The following FHIT variants were observed in gnomAD, a reference collection of about 807,000 sequenced individuals.
FHIT encodes the protein bis(5'-adenosyl)-triphosphatase.
In FHIT, 19 loss-of-function variants were observed where a neutral mutation model predicts 17.9. The ratio of observed to expected loss-of-function variants is 1.06; its 90% CI spans 0.74 to 1.56. FHIT has a LOEUF of 1.56. FHIT is among the 40% of genes most tolerant of loss of function. FHIT has a pLI of 0.00. For synonymous variants in FHIT, 81 were observed against 69.7 expected, an observed-to-expected ratio of 1.16 and a Z score of -0.81; for missense variants, 248 against 189.2, an observed-to-expected ratio of 1.31 and a Z score of -1.82.
At chr3:60,578,497 G>GCC (rs2037648188) in intron 4 of FHIT, among the ~76,000 whole-genome samples, 2 of 149,744 alleles carry the variant, frequency 1.3e-5, no homozygotes, top group African/African-American at 4.9e-5. Context: ...CACATCATCT[G>GCC]CCTTTGGTTA....
chr3:60,976,967 G>A (rs1710282257), intron 3 of FHIT, among the ~76,000 whole-genome samples: 1 of 151,714 alleles, frequency 6.6e-6, no homozygotes, highest in Non-Finnish European at 1.5e-5. Flanking sequence ...TTTACATATT[G>A]GCAGGTTGGA....
At chr3:60,153,603 T>C (rs1157351685) in intron 5 of FHIT, among the ~76,000 whole-genome samples, 3 of 152,200 alleles carry the variant, frequency 2.0e-5, no homozygotes, top group Non-Finnish European at 4.4e-5. Flanking sequence ...TTTTCTTTGT[T>C]CTTCCCAGTC....
chr3:60,977,496 C>T (rs1375111138), intron 3 of FHIT, among the ~76,000 whole-genome samples: 1 of 152,186 alleles, frequency 6.6e-6, no homozygotes, highest in East Asian at 1.9e-4. Context: ...AGCAAATGTG[C>T]TCAGTTTTCC....
chr3:60,749,962 C>G (rs1553716384), intron 4 of FHIT, among the ~76,000 whole-genome samples: 1 of 152,094 alleles, frequency 6.6e-6, no homozygotes, highest in Non-Finnish European at 1.5e-5. Context: ...AAACTGGGAA[C>G]TTTTTCTATG....
At chr3:61,025,003 A>G (rs1158945619) in intron 3 of FHIT, among the ~76,000 whole-genome samples, 1 of 150,460 alleles carries the variant, frequency 6.6e-6, no homozygotes, top group Admixed American at 6.6e-5. Context: ...CTGTCAGCAA[A>G]AAATATCCCT....
Position 60,059,097 on chromosome 3 carries a change from C to T in FHIT, c.104-44945G>A, listed in dbSNP as rs1434392958. Among the ~76,000 whole-genome samples, 10 of 152,272 alleles carry T rather than the reference C, an allele frequency of 6.6e-5. No homozygotes were observed. In the South Asian group the frequency reaches 1.7e-3, roughly 25 times the overall value. On this transcript the variant is annotated intron_variant, in intron 5 of 9. Coordinates refer to ENST00000492590, the MANE Select transcript of FHIT (RefSeq NM_002012.4). ...CAACACCCCCACCAGGAAAGCCACG[C>T]TACCATCAGGTGATGGTCAGGTGGT...
intron 5 of FHIT, among the ~76,000 whole-genome samples, chr3:60,427,163 G>T (rs1306461456): frequency 6.6e-6 from 1 of 152,058 alleles, no homozygotes; most frequent in African/African-American, 2.4e-5. Flanking sequence ...TCTACTGCTG[G>T]CCATGAAGGA....
chr3:61,138,961 AAAG>A (rs745891552), intron 2 of FHIT, among the ~76,000 whole-genome samples: 35 of 152,160 alleles, frequency 2.3e-4, no homozygotes, highest in Admixed American at 6.5e-5. Context: ...ATAAAAAAAT[AAAG>A]AAGAACCACA....
At chr3:60,130,595 C>A (rs1438155762) in intron 5 of FHIT, among the ~76,000 whole-genome samples, 1 of 151,996 alleles carries the variant, frequency 6.6e-6, no homozygotes, top group Non-Finnish European at 1.5e-5. Context: ...AATGAAAACA[C>A]TGGGCATGTG....
chr3:60,445,305 A>T (rs981451441), intron 5 of FHIT, among the ~76,000 whole-genome samples: 1 of 152,102 alleles, frequency 6.6e-6, no homozygotes, highest in Non-Finnish European at 1.5e-5. Flanking sequence ...GAGGACTGGG[A>T]TTCCAAAGCA....
At chr3:60,722,424 T>A (rs1344882135) in intron 4 of FHIT, among the ~76,000 whole-genome samples, 1 of 152,186 alleles carries the variant, frequency 6.6e-6, no homozygotes, top group Non-Finnish European at 1.5e-5. Flanking sequence ...TTTGTCTCAC[T>A]CCTCCTTGAA....
At chr3:60,802,422 G>C (rs181849260) in intron 4 of FHIT, among the ~76,000 whole-genome samples, 1 of 152,276 alleles carries the variant, frequency 6.6e-6, no homozygotes, top group Non-Finnish European at 1.5e-5. Context: ...GGCTCCATGG[G>C]CTCATTATTG....
chr3:60,875,898 A>G (rs1349538084), intron 3 of FHIT, among the ~76,000 whole-genome samples: 1 of 149,612 alleles, frequency 6.7e-6, no homozygotes, highest in Non-Finnish European at 1.5e-5. Flanking sequence ...CAGGGTGTCA[A>G]TTTTTAGCTA....
chr3:60,297,419 G>A (rs965325124), intron 5 of FHIT, among the ~76,000 whole-genome samples: 2 of 151,604 alleles, frequency 1.3e-5, no homozygotes, highest in African/African-American at 4.8e-5. Context: ...TTTTTTATTT[G>A]GTATCTATCT....
chr3:60,311,227 T>A (rs1175535968), intron 5 of FHIT, among the ~76,000 whole-genome samples: 3 of 148,526 alleles, frequency 2.0e-5, no homozygotes, highest in Non-Finnish European at 4.4e-5. Flanking sequence ...TACACCTCCA[T>A]GCCCCAAACC....
intron 8 of FHIT, among the ~76,000 whole-genome samples, chr3:59,774,567 T>C (rs1702218428): frequency 6.6e-6 from 1 of 152,250 alleles, no homozygotes; most frequent in Non-Finnish European, 1.5e-5. Context: ...TAGTGCCTCA[T>C]CCATAGTAGG....
intron 2 of FHIT, among the ~76,000 whole-genome samples, chr3:61,074,378 C>A (rs552538337): frequency 6.6e-6 from 1 of 152,262 alleles, no homozygotes; most frequent in South Asian, 2.1e-4. Context: ...AATTGTGCAC[C>A]TACTGCATTA....
chr3:59,770,418 G>T (rs1340737804), intron 8 of FHIT, among the ~76,000 whole-genome samples: 5 of 152,156 alleles, frequency 3.3e-5, no homozygotes, highest in African/African-American at 1.2e-4. Context: ...TTATACAAAG[G>T]GAAAATTTGG....
rs190822618 is a variant in FHIT at position 60,154,570 on chromosome 3, T to A, written c.104-140418A>T. On this transcript the variant is annotated intron_variant, in intron 5 of 9. Coordinates refer to ENST00000492590, the MANE Select transcript of FHIT (RefSeq NM_002012.4). ...TCTGTTTCCAATTAATGCAAACTTATAATATTCCAAGCTGTTATTAGATTT... is the reference window on the plus strand; with the variant it reads ...TCTGTTTCCAATTAATGCAAACTTAAAATATTCCAAGCTGTTATTAGATTT... Among the ~76,000 whole-genome samples, 2 of 152,222 alleles carry A rather than the reference T, an allele frequency of 1.3e-5. 1 individual carries two copies.
Sources: allele counts gnomAD v4.1 joint callset (sites outside exome capture counted in the v4.1 genomes callset), GRCh38; gene constraint gnomAD v4.1.1; transcripts MANE v1.5; gene names NCBI Gene and HGNC (gene_info 2026-07-23, HGNC 2026-07-21).